Variants in QTGAL observed in about 807,000 individuals in gnomAD.
The protein encoded by QTGAL is BGnT-like protein 1.
chr17:82,945,140 A>C, the QTGAL span: 1 of 152,254 alleles, frequency 6.6e-6, no homozygotes, highest in South Asian at 2.1e-4. Flanking sequence ...GATTAGAAAA[A>C]AACAGAGCCC....
the QTGAL span, among the ~76,000 whole-genome samples, chr17:82,980,782 T>A: frequency 6.6e-6 from 1 of 152,192 alleles, no homozygotes; most frequent in East Asian, 1.9e-4. Flanking sequence ...TGGGTTACTG[T>A]ACGAGTTCAT....
At chr17:82,967,697 C>T in the QTGAL span, among the ~76,000 whole-genome samples, 1 of 152,126 alleles carries the variant, frequency 6.6e-6, no homozygotes, top group Non-Finnish European at 1.5e-5. Context: ...AATCCCAGCA[C>T]TTTGGGAGTC....
the QTGAL span, among the ~76,000 whole-genome samples, chr17:83,027,432 C>G: frequency 6.6e-6 from 1 of 152,226 alleles, no homozygotes; most frequent in Non-Finnish European, 1.5e-5. Context: ...CAGAAAAACA[C>G]AACTTCTCCT....
the QTGAL span, chr17:82,957,102 G>A: frequency 1.3e-6 from 2 of 1,578,836 alleles, no homozygotes; most frequent in Non-Finnish European, 1.7e-6. Context: ...TCTGCCAAGG[G>A]GGAAGGCTCG....
chr17:82,987,226 A>T, the QTGAL span, among the ~76,000 whole-genome samples: 2 of 152,218 alleles, frequency 1.3e-5, no homozygotes, highest in East Asian at 1.9e-4. Context: ...TACACCTACT[A>T]TGTGTCCATA....
chr17:82,980,154 T>C, the QTGAL span, among the ~76,000 whole-genome samples: 1 of 152,192 alleles, frequency 6.6e-6, no homozygotes, highest in African/African-American at 2.4e-5. Flanking sequence ...TTAGGTGAAG[T>C]AGTCTTGGGT....
the QTGAL span, chr17:83,005,773 C>A: frequency 1.1e-6 from 1 of 923,070 alleles, no homozygotes; most frequent in South Asian, 1.6e-5. This position sits in a 1 kb window ranked among gnomAD's most constrained non-coding sequence, Gnocchi z 5.6. Context: ...GACATCCTGT[C>A]AGTAGCCTTG....
chr17:82,965,046 G>A, the QTGAL span, among the ~76,000 whole-genome samples: 5 of 147,816 alleles, frequency 3.4e-5, no homozygotes, highest in Admixed American at 2.0e-4. Context: ...CAGGGAGGAC[G>A]GGGACATGGA....
At chr17:83,019,730 G>A in the QTGAL span, among the ~76,000 whole-genome samples, 3 of 152,170 alleles carry the variant, frequency 2.0e-5, no homozygotes, top group Non-Finnish European at 4.4e-5. Flanking sequence ...TTGAACAATA[G>A]AACTTTCTCT....
At chr17:82,995,324 C>A in the QTGAL span, among the ~76,000 whole-genome samples, 17 of 151,936 alleles carry the variant, frequency 1.1e-4, no homozygotes, top group African/African-American at 4.1e-4. Flanking sequence ...ACCTGATAAA[C>A]AAACTCAGCA....
At chr17:83,015,729 G>A in the QTGAL span, among the ~76,000 whole-genome samples, 3 of 152,200 alleles carry the variant, frequency 2.0e-5, no homozygotes, top group Non-Finnish European at 4.4e-5. The surrounding 1 kb of genome is among the most constrained non-coding windows in gnomAD (Gnocchi z 4.4). Flanking sequence ...TCAGAGCAGC[G>A]GCTGCATTAG....
the QTGAL span, among the ~76,000 whole-genome samples, chr17:83,015,863 G>C: frequency 1.3e-5 from 2 of 152,036 alleles, no homozygotes. This position sits in a 1 kb window ranked among gnomAD's most constrained non-coding sequence, Gnocchi z 4.4. Flanking sequence ...CCAAAACCAC[G>C]CCCCCCCACC....
chr17:82,959,601 CG>C, the QTGAL span, among the ~76,000 whole-genome samples: 1 of 151,710 alleles, frequency 6.6e-6, no homozygotes, highest in Non-Finnish European at 1.5e-5. Flanking sequence ...TGTCTCGGGG[CG>C]GGGGGACGAG....
the QTGAL span, among the ~76,000 whole-genome samples, chr17:83,040,648 G>A: frequency 6.6e-6 from 1 of 152,116 alleles, no homozygotes; most frequent in Non-Finnish European, 1.5e-5. Flanking sequence ...AATATAATGA[G>A]GCAATCCCTT....
At chr17:83,022,068 G>A in the QTGAL span, among the ~76,000 whole-genome samples, 2 of 152,330 alleles carry the variant, frequency 1.3e-5, no homozygotes, top group African/African-American at 2.4e-5. Flanking sequence ...AGGTCTCAAT[G>A]TAAAAGATAA....
At chr17:83,009,483 C>T in the QTGAL span, among the ~76,000 whole-genome samples, 1 of 152,112 alleles carries the variant, frequency 6.6e-6, no homozygotes, top group African/African-American at 2.4e-5. Flanking sequence ...GGAACTGAGA[C>T]CCACGAGGTG....
chr17:82,973,029 C>T, the QTGAL span, among the ~76,000 whole-genome samples: 1 of 152,244 alleles, frequency 6.6e-6, no homozygotes, highest in South Asian at 2.1e-4. Flanking sequence ...ACACACAGCA[C>T]GGAGCTCTGA....
the QTGAL span, among the ~76,000 whole-genome samples, chr17:82,953,649 C>T: frequency 2.0e-5 from 3 of 151,764 alleles, no homozygotes; most frequent in East Asian, 3.9e-4. Context: ...GGACTACTAA[C>T]TCATGAGGCC....
chr17:83,002,580 A>T, the QTGAL span, among the ~76,000 whole-genome samples: 1 of 152,140 alleles, frequency 6.6e-6, no homozygotes, highest in Non-Finnish European at 1.5e-5. Context: ...TGCCTCCCCC[A>T]GGGGCAGCCA....
Sources: gnomAD v4.1 joint callset for allele counts (sites outside exome capture counted in the v4.1 genomes callset) on GRCh38, gnomAD v4.1.1 for gene constraint, Gnocchi (gnomAD v3.1) non-coding constraint, MANE v1.5 for transcripts, NCBI Gene and HGNC (gene_info 2026-07-23, HGNC 2026-07-21) for gene names.